Variants in TNXB observed in about 807,000 individuals in gnomAD.
TNXB encodes the protein tenascin-X.
In TNXB, 183 loss-of-function variants were observed where a neutral mutation model predicts 340.5. The observed-to-expected ratio is 0.54, with a 90% CI of 0.48 to 0.61. The LOEUF is 0.61. Among genes scored for constraint, TNXB ranks in the 20% least tolerant of loss-of-function variants. The pLI is 0.00. For synonymous variants in TNXB, 2,121 were observed against 2,314.5 expected (o/e 0.92, Z 2.40); for missense variants, 4,613 against 5,446.4 (o/e 0.85, Z 4.82).
rs2127294131 is a variant in TNXB at position 32,097,914 on chromosome 6, G to A, written c.285C>T (p.Val95=). The part of the protein sequence containing the change: ...CGCPPGTEPP[V]LASEVQALRV... ...TCAGGGCCTGTACCTCTGAAGCAAG[G>A]ACTGGGGGCTCGGTGCCTGGGGGAC... Residue 95 remains valine, a synonymous_variant, in exon 2 of 44, where the codon GTC becomes GTT. Coordinates refer to ENST00000644971, the MANE Select transcript of TNXB (RefSeq NM_001365276.2). The surrounding 1 kb of genome is among the most constrained non-coding windows in gnomAD (Gnocchi z 5.9). 4 of 1,590,188 alleles carry A rather than the reference G, an allele frequency of 2.5e-6. No homozygotes were observed. Among genetic ancestry groups the A allele is most frequent in the Non-Finnish European group, 3.4e-6 (4 of 1,164,248 alleles).
Position 32,065,113 on chromosome 6 carries a change from G to C in TNXB, c.6549C>G (p.Pro2183=). The change falls in exon 19 of 44, where the codon CCC becomes CCG. Residue 2183 remains proline (P), a synonymous_variant. Coordinates refer to ENST00000644971, the MANE Select transcript of TNXB (RefSeq NM_001365276.2). The part of the protein sequence containing the change: ...GPVSAVGVTA[P]EEESPDAPLA... ...GAGGAGCATCAGGGGACTCCTCTTC[G>C]GGGGCTAGGAAGAGATAGAAACAGA... 2 of 1,568,298 alleles carry C rather than the reference G, an allele frequency of 1.3e-6. No individual in the cohort carries two copies. Among genetic ancestry groups the C allele is most frequent in the Non-Finnish European group, 1.7e-6 (2 of 1,155,340 alleles).
Position 32,096,944 on chromosome 6 carries a change from G to C in TNXB, c.909C>G (p.Gly303=), listed in dbSNP as rs111244635. The C allele has an allele frequency of 2.5e-3, 3,991 of 1,593,688 alleles. 18 individuals carry two copies. Among genetic ancestry groups the C allele is most frequent in the African/African-American group, 0.015 (1,131 of 74,458 alleles). ...GGCAGCTCCTCACCCCACAGTCCTC[G>C]CCAGTGTAGCCGGGGTTACACACGC... ...GRCVCNPGYT[G]EDCGVRSCPR... Residue 303 remains glycine (G), a synonymous_variant, in exon 3 of 44, where the codon GGC becomes GGG. Coordinates refer to ENST00000644971, the MANE Select transcript of TNXB (RefSeq NM_001365276.2).
At chr6:32,042,413 C>G (rs1434589325) in intron 40 of TNXB, 42 bp downstream of exon 40, 1 of 1,599,408 alleles carries the variant, frequency 6.3e-7, no homozygotes, top group African/African-American at 1.4e-5. Context: ...GGGCAACAGA[C>G]CCTGCCCTGC....
chr6:32,106,010 C>A (rs971778497), intron 1 of TNXB, among the ~76,000 whole-genome samples: 3 of 151,224 alleles, frequency 2.0e-5, no homozygotes, highest in Non-Finnish European at 4.4e-5. Context: ...AAAAGCCAGA[C>A]ACAGGAAAGA....
chr6:32,057,292 C>T (rs1777724740), intron 22 of TNXB, among the ~76,000 whole-genome samples: 1 of 152,202 alleles, frequency 6.6e-6, no homozygotes, highest in Admixed American at 6.5e-5. Context: ...GAGGCCAGAG[C>T]CTGGGGTGTG....
chr6:32,100,826 A>AATCC (rs945845607), intron 1 of TNXB, among the ~76,000 whole-genome samples: 2 of 152,180 alleles, frequency 1.3e-5, no homozygotes, highest in African/African-American at 4.8e-5. Context: ...TCACACCTGA[A>AATCC]ATCCCAGCAC....
intron 1 of TNXB, among the ~76,000 whole-genome samples, chr6:32,103,135 C>A (rs1582492691): frequency 6.6e-6 from 1 of 152,086 alleles, no homozygotes; most frequent in African/African-American, 2.4e-5. Flanking sequence ...AAAAATTGAA[C>A]CATGGCTGGG....
At chr6:32,071,914 A>C in intron 13 of TNXB, 76 bp downstream of exon 13, 1 of 1,291,518 alleles carries the variant, frequency 7.7e-7, no homozygotes, top group Non-Finnish European at 1.1e-6. Context: ...GACAAAGGGA[A>C]GACTCAGCAG....
Position 32,081,344 on chromosome 6 carries a change from G to A in TNXB, c.4042+24C>T. 6.6e-7 allele frequency: 1 copy of A among 1,519,038 alleles called. No homozygotes were observed. The highest frequency in any genetic ancestry group is 8.9e-7 in the Non-Finnish European group (1 of 1,125,132). 94.1% of individuals were successfully genotyped at this position (1,519,038 alleles called of 1,614,324 possible). A position where few individuals can be genotyped will look rare whatever the true frequency, so the allele number is the denominator to read the frequency against. On this transcript the variant is annotated intron_variant, in intron 10 of 43. Coordinates refer to ENST00000644971, the MANE Select transcript of TNXB (RefSeq NM_001365276.2). This position sits in a 1 kb window ranked among gnomAD's most constrained non-coding sequence, Gnocchi z 5.1. Reference sequence around the variant, plus strand: ...TCACAGGATGGGGCTAGCAGGGGAGGGAGGCCTGGCAGCCATGACTCACCA... The same window carrying A: ...TCACAGGATGGGGCTAGCAGGGGAGAGAGGCCTGGCAGCCATGACTCACCA...
In TNXB at chr6:32,096,289, C is replaced by T. The variant is rs1780352340; in HGVS notation, c.1564G>A (p.Asp522Asn). The T allele has an allele frequency of 1.3e-6, 2 of 1,555,348 alleles. No homozygotes were observed. Among genetic ancestry groups the T allele is most frequent in the Non-Finnish European group, 8.7e-7 (1 of 1,154,846 alleles). Reference protein sequence around the residue: ...CVCNPGFTGEDCGSRRCPGDC... With the variant: ...CVCNPGFTGENCGSRRCPGDC... ...CCGGGACAGCGACGGCTCCCACAGTCCTCACCGGTGAAGCCCGGGTTGCAC... is the reference window on the plus strand; with the variant it reads ...CCGGGACAGCGACGGCTCCCACAGTTCTCACCGGTGAAGCCCGGGTTGCAC... The change falls in exon 3 of 44, where the codon GAC becomes AAC. Residue 522 changes from aspartate (D) to asparagine (N), a missense_variant. Physicochemically the swap from Asp to Asn is conservative, Grantham distance 23. Around this residue, in one of 7 missense-constraint regions of TNXB, gnomAD observed 4,327 missense variants for 4,859.4 expected, o/e 0.89. Coordinates refer to ENST00000644971, the MANE Select transcript of TNXB (RefSeq NM_001365276.2).
At chr6:32,077,431 T>C (rs1779140120) in intron 11 of TNXB, among the ~76,000 whole-genome samples, 1 of 152,272 alleles carries the variant, frequency 6.6e-6, no homozygotes, top group South Asian at 2.1e-4. Context: ...ACTATCTATT[T>C]CTCTACTTTT....
Position 32,095,094 on chromosome 6 carries a change from T to G in TNXB, c.2340A>C (p.Glu780Asp), listed in dbSNP as rs1233087781. The G allele has an allele frequency of 6.5e-7, 1 of 1,548,602 alleles. No homozygotes were observed. The highest frequency in any genetic ancestry group is 1.4e-5 in the African/African-American group (1 of 72,968). ...CTCTCACCGTGGGGATGAACTGAAT[T>G]TCATAGGCATCCACGGGGCCAGGAG... is the stretch of plus-strand genomic sequence containing the variant. ...TPAPGPVDAY[E>D]IQFIPTTEGA... Residue 780 changes from glutamate (E) to aspartate (D), a missense_variant, in exon 4 of 44, where the codon GAA becomes GAC. Physicochemically the swap from Glu to Asp is conservative, Grantham distance 45 (BLOSUM62 2). Around this residue, in one of 7 missense-constraint regions of TNXB, gnomAD observed 4,327 missense variants for 4,859.4 expected, o/e 0.89. Transcript: ENST00000644971.
chr6:32,107,230 A>G (rs1357619181), intron 1 of TNXB, among the ~76,000 whole-genome samples: 1 of 152,166 alleles, frequency 6.6e-6, no homozygotes. Context: ...CCCTCCCCAA[A>G]TAAGTGGATT....
At chr6:32,055,753 G>A in intron 24 of TNXB, 98 bp downstream of exon 24, 2 of 1,495,558 alleles carry the variant, frequency 1.3e-6, no homozygotes, top group Non-Finnish European at 1.8e-6. Flanking sequence ...ATGGAAACGT[G>A]CAAAAGAAGC....
rs3130287 is a variant in TNXB, at chr6:32,082,767, C to T, written c.3446-441G>A. Among the ~76,000 whole-genome samples, 137,555 of 152,160 alleles carry T rather than the reference C, an allele frequency of 0.9. 62,350 individuals carry two copies. Among genetic ancestry groups the T allele is most frequent in the African/African-American group, 0.97 (40,253 of 41,514 alleles). ...GAGCACAATCCTTGAAGCGTTTTAA[C>T]GTGGGACAGCCTCCCTCATCTATGC... On this transcript the variant is annotated intron_variant, in intron 8 of 43. Coordinates refer to ENST00000644971, the MANE Select transcript of TNXB (RefSeq NM_001365276.2). This position sits in a 1 kb window ranked among gnomAD's most constrained non-coding sequence, Gnocchi z 5.0.
Position 32,065,001 on chromosome 6 carries a change from A to T in TNXB, c.6661T>A (p.Phe2221Ile), listed in dbSNP as rs1187718696. The stretch of plus-strand genomic sequence containing the variant: ...TTAAACTGGACCAAGAAATGGTCAA[A>T]CTGGCCCTCGGGGACTGTCCAGGAG... ...SLSWTVPEGQ[F>I]DHFLVQFKNG... The change falls in exon 19 of 44, where the codon TTT becomes ATT. Residue 2221 changes from phenylalanine (F) to isoleucine (I), a missense_variant. Phe to Ile is a conservative substitution (Grantham distance 21, BLOSUM62 0). This residue lies in a region of TNXB where 4,327 missense variants were observed against 4,859.4 expected (regional missense o/e 0.89). Coordinates refer to ENST00000644971, the MANE Select transcript of TNXB (RefSeq NM_001365276.2). The T allele has an allele frequency of 6.2e-7, 1 of 1,612,284 alleles. No individual in the cohort carries two copies. The highest frequency in any genetic ancestry group is 8.5e-7 in the Non-Finnish European group (1 of 1,179,610).
Position 32,085,827 on chromosome 6 carries a change from G to A in TNXB, c.3071C>T (p.Thr1024Ile). The A allele has an allele frequency of 6.2e-7, 1 of 1,604,968 alleles. No homozygotes were observed. The highest frequency in any genetic ancestry group is 8.5e-7 in the Non-Finnish European group (1 of 1,176,752). ...CCCATGAAGTGACAGCTCATACGGG[G>A]TTCCAGGAGGGGGTGGAGGCACCAG... Reference protein sequence around the residue: ...QALVPPPPPGTPYELSLHGVP... With the variant: ...QALVPPPPPGIPYELSLHGVP... The change falls in exon 7 of 44, where the codon ACC becomes ATC. Residue 1024 changes from threonine (T) to isoleucine (I), a missense_variant. This residue lies in a region of TNXB where 4,327 missense variants were observed against 4,859.4 expected (regional missense o/e 0.89). Coordinates refer to ENST00000644971, the MANE Select transcript of TNXB (RefSeq NM_001365276.2). The surrounding 1 kb of genome is among the most constrained non-coding windows in gnomAD (Gnocchi z 6.4).
chr6:32,069,424 G>T lies in TNXB; in HGVS notation c.5587+129C>A. ...GGGACTGGGGCAACTGACTCTAAAG[G>T]GGCACAAGGAAACTTTCTGGATCAA... is the stretch of plus-strand genomic sequence containing the variant. On this transcript the variant is annotated intron_variant, in intron 15 of 43. Transcript: ENST00000644971. This position sits in a 1 kb window ranked among gnomAD's most constrained non-coding sequence, Gnocchi z 6.2. The T allele has an allele frequency of 1.7e-6, 2 of 1,169,038 alleles. No individual in the cohort carries two copies. The highest frequency in any genetic ancestry group is 2.3e-6 in the Non-Finnish European group (2 of 859,300). 72.4% of individuals were successfully genotyped at this position (1,169,038 alleles called of 1,614,324 possible).
intron 18 of TNXB, 54 bp from the exon 19 acceptor site, chr6:32,065,171 C>A: frequency 6.9e-7 from 1 of 1,450,806 alleles, no homozygotes; most frequent in South Asian, 1.4e-5. Flanking sequence ...GGTGTTGAGG[C>A]CCCAGCTGTC....
Sources: gnomAD v4.1 joint callset for allele counts (sites outside exome capture counted in the v4.1 genomes callset) on GRCh38, gnomAD v4.1.1 for gene constraint, gnomAD v4.1.1 regional missense constraint, Gnocchi (gnomAD v3.1) non-coding constraint, MANE v1.5 for transcripts, NCBI Gene and HGNC (gene_info 2026-07-23, HGNC 2026-07-21) for gene names.